RCAN1: variants seen among roughly 807,000 people sequenced by gnomAD.
RCAN1 encodes regulator of calcineurin 1, also known as calcipressin-1.
In RCAN1, 11 loss-of-function variants were observed where a neutral mutation model predicts 22.9. That is an observed-to-expected ratio of 0.48 (90% CI 0.30 to 0.79). The LOEUF is 0.79. Among genes scored for constraint, RCAN1 ranks in the 30% least tolerant of loss-of-function variants. The probability of loss-of-function intolerance (pLI) is 0.06; values close to 1 mark genes in which losing one functional copy is unlikely to be tolerated. For synonymous variants in RCAN1, 136 were observed against 142.3 expected, an observed-to-expected ratio of 0.96 and a Z score of 0.32; for missense variants, 291 against 337.8, an observed-to-expected ratio of 0.86 and a Z score of 1.09.
At chr21:34,538,498 C>G (rs1985776382) in intron 1 of RCAN1, among the ~76,000 whole-genome samples, 1 of 152,242 alleles carries the variant, frequency 6.6e-6, no homozygotes, top group Admixed American at 6.5e-5. Flanking sequence ...AGCCAATTCC[C>G]CATCCACTCC....
chr21:34,546,576 C>T (rs1032569350), intron 1 of RCAN1, among the ~76,000 whole-genome samples: 5 of 152,118 alleles, frequency 3.3e-5, no homozygotes, highest in African/African-American at 7.2e-5. Flanking sequence ...AGAAAACAAT[C>T]GCTGTCGCTT....
intron 1 of RCAN1, among the ~76,000 whole-genome samples, chr21:34,524,813 AG>A (rs1984892941): frequency 1.3e-5 from 2 of 152,046 alleles, no homozygotes; most frequent in Non-Finnish European, 2.9e-5. Context: ...CTCAGGGGAC[AG>A]CCCCCTAGGC....
intron 1 of RCAN1, among the ~76,000 whole-genome samples, chr21:34,530,615 A>ATTT (rs1985324355): frequency 1.3e-5 from 1 of 76,710 alleles, no homozygotes; most frequent in African/African-American, 5.4e-5. Context: ...ATAGTGAAAT[A>ATTT]GTTTTTTTTT....
At chr21:34,553,403 T>C (rs1382140853) in intron 1 of RCAN1, among the ~76,000 whole-genome samples, 1 of 152,226 alleles carries the variant, frequency 6.6e-6, no homozygotes, top group Non-Finnish European at 1.5e-5. Flanking sequence ...ACATGATTTA[T>C]AGCACATAAA....
intron 1 of RCAN1, chr21:34,524,546 G>A (rs1459346574): frequency 6.6e-6 from 1 of 152,428 alleles, no homozygotes; most frequent in Non-Finnish European, 1.5e-5. Flanking sequence ...AACAAAGTTG[G>A]TAGAAAGTTT....
At chr21:34,573,832 C>G (rs1479070172) in intron 1 of RCAN1, among the ~76,000 whole-genome samples, 2 of 152,202 alleles carry the variant, frequency 1.3e-5, no homozygotes, top group South Asian at 2.1e-4. Context: ...TATAATCATG[C>G]CTACTTGTAA....
intron 1 of RCAN1, among the ~76,000 whole-genome samples, chr21:34,540,115 CCTTT>C (rs2123622136): frequency 6.6e-6 from 1 of 152,346 alleles, no homozygotes; most frequent in East Asian, 1.9e-4. Context: ...CTCTGAATCT[CCTTT>C]CTAACAAGAC....
intron 1 of RCAN1, among the ~76,000 whole-genome samples, chr21:34,541,172 C>G (rs1397950575): frequency 1.3e-5 from 2 of 152,114 alleles, no homozygotes; most frequent in African/African-American, 4.8e-5. Context: ...GTCACAGACA[C>G]TCAGAGCTCA....
chr21:34,582,368 G>A (rs1380827049), intron 1 of RCAN1, among the ~76,000 whole-genome samples: 1 of 152,138 alleles, frequency 6.6e-6, no homozygotes, highest in East Asian at 1.9e-4. Flanking sequence ...AGGACAGATG[G>A]TCTGGGGTGG....
chr21:34,517,386 A>G lies in RCAN1; in HGVS notation c.*698T>C, dbSNP rs1021968100. On this transcript the variant is annotated 3_prime_UTR_variant, in exon 4 of 4. Coordinates refer to ENST00000313806, the MANE Select transcript of RCAN1 (RefSeq NM_004414.7). ...CAAGTTACACGTTGCACGGTTGGGG[A>G]TGCTGAGTGAATGCATTCCAGGAAG... is the stretch of plus-strand genomic sequence containing the variant. The G allele has an allele frequency of 1.3e-5, 2 of 152,238 alleles. No homozygotes were observed. The highest frequency in any genetic ancestry group is 4.8e-5 in the African/African-American group (2 of 41,458). The allele number at this position is 152,238 out of a possible 1,614,324, so 9.4% of individuals were successfully genotyped here.
intron 1 of RCAN1, among the ~76,000 whole-genome samples, chr21:34,545,164 G>T (rs567128712): frequency 6.6e-6 from 1 of 152,214 alleles, no homozygotes; most frequent in African/African-American, 2.4e-5. Context: ...GCAAAGCTAC[G>T]AAAGCAGGCT....
chr21:34,527,234 C>T (rs1985122725), intron 1 of RCAN1, among the ~76,000 whole-genome samples: 1 of 152,114 alleles, frequency 6.6e-6, no homozygotes, highest in African/African-American at 2.4e-5. Context: ...CAATAAACAG[C>T]AATTAGACTG....
intron 1 of RCAN1, among the ~76,000 whole-genome samples, chr21:34,555,227 C>T (rs1003006536): frequency 4.6e-5 from 7 of 152,244 alleles, no homozygotes; most frequent in Admixed American, 3.3e-4. Context: ...GCAGTGAGTG[C>T]CTCTTATTTG....
Position 34,615,102 on chromosome 21 carries a change from G to C in RCAN1, c.-91C>G. On this transcript the variant is annotated 5_prime_UTR_variant, in exon 1 of 4. Coordinates refer to ENST00000313806, the MANE Select transcript of RCAN1 (RefSeq NM_004414.7). ...GCGCTCCGGTCCGCGCCCGGCCGGCGGCTCCGCCGTTAACCCCCTCGGAAT... is the reference window on the plus strand; with the variant it reads ...GCGCTCCGGTCCGCGCCCGGCCGGCCGCTCCGCCGTTAACCCCCTCGGAAT... 2.0e-6 allele frequency: 2 copies of C among 986,876 alleles called. No homozygotes were observed. The highest frequency in any genetic ancestry group is 2.4e-6 in the Non-Finnish European group (2 of 829,266). 61.1% of individuals were successfully genotyped at this position (986,876 alleles called of 1,614,324 possible).
chr21:34,521,208 A>G, intron 3 of RCAN1: 1 of 1,391,764 alleles, frequency 7.2e-7, no homozygotes, highest in Non-Finnish European at 9.3e-7. Flanking sequence ...CCTCCCACGC[A>G]GGCTGTGCTC....
Position 34,614,782 on chromosome 21 carries a change from A to G in RCAN1, c.230T>C (p.Val77Ala). Residue 77 changes from valine (V) to alanine (A), a missense_variant, in exon 1 of 4, where the codon GTG becomes GCG. Physicochemically the swap from Val to Ala is moderately conservative, Grantham distance 64. Transcript: ENST00000313806. This position sits in a 1 kb window ranked among gnomAD's most constrained non-coding sequence, Gnocchi z 6.0. ...CACCCGGCACAGGCCGTCCACGAACACGCGCGGGTCCAGGTGACAGGCGAT... is the reference window on the plus strand; with the variant it reads ...CACCCGGCACAGGCCGTCCACGAACGCGCGCGGGTCCAGGTGACAGGCGAT... ...ATIACHLDPR[V>A]FVDGLCRAKF... 6.8e-7 allele frequency: 1 copy of G among 1,462,338 alleles called. No individual in the cohort carries two copies. The highest frequency in any genetic ancestry group is 9.1e-7 in the Non-Finnish European group (1 of 1,103,510). 90.6% of individuals were successfully genotyped at this position (1,462,338 alleles called of 1,614,324 possible).
chr21:34,568,028 C>T (rs112000334), intron 1 of RCAN1, among the ~76,000 whole-genome samples: 4 of 152,146 alleles, frequency 2.6e-5, no homozygotes, highest in Admixed American at 2.6e-4. Context: ...AGGGTGTTGG[C>T]GGATCTGTAT....
chr21:34,551,129 C>A (rs1177522531), intron 1 of RCAN1, among the ~76,000 whole-genome samples: 1 of 152,144 alleles, frequency 6.6e-6, no homozygotes, highest in African/African-American at 2.4e-5. Context: ...TGGGAAGACC[C>A]AAGGAAAATA....
At position 34,517,977 on chromosome 21, in the gene RCAN1, A is replaced by G. The variant is rs1056314277; in HGVS notation, c.*107T>C. On this transcript the variant is annotated 3_prime_UTR_variant, in exon 4 of 4. Transcript: ENST00000313806. ...AGCAACATGAACTGGGATTTCTGCC[A>G]CCCCGATCTCGGCTGCCACCTCCGA... The G allele has an allele frequency of 3.2e-5, 45 of 1,385,588 alleles. No homozygotes were observed. In the Admixed American group the frequency reaches 4.3e-4, roughly 13 times the overall value. The allele number at this position is 1,385,588 out of a possible 1,614,324, so 85.8% of individuals were successfully genotyped here.
Sources: gnomAD v4.1 joint callset for allele counts (sites outside exome capture counted in the v4.1 genomes callset) on GRCh38, gnomAD v4.1.1 for gene constraint, Gnocchi (gnomAD v3.1) non-coding constraint, MANE v1.5 for transcripts, NCBI Gene and HGNC (gene_info 2026-07-23, HGNC 2026-07-21) for gene names.